SMPD4: variants seen among roughly 807,000 people sequenced by gnomAD.
SMPD4 encodes the protein sphingomyelin phosphodiesterase 4, also known as neutral sphingomyelinase 3.
SMPD4 carries 58 observed loss-of-function variants against 97.8 expected under a neutral mutation model. That is an observed-to-expected ratio of 0.59 (90% CI 0.48 to 0.74). SMPD4 has a LOEUF of 0.74. Among genes scored for constraint, SMPD4 ranks in the 30% least tolerant of loss-of-function variants. The pLI is 0.00. For missense variants in SMPD4, 853 were observed against 1,080.5 expected, an observed-to-expected ratio of 0.79 and a Z score of 2.95; for synonymous variants, 388 against 450.0, an observed-to-expected ratio of 0.86 and a Z score of 1.74.
chr2:130,158,771 G>A (rs1238142260), intron 11 of SMPD4, among the ~76,000 whole-genome samples: 4 of 152,232 alleles, frequency 2.6e-5, no homozygotes, highest in Non-Finnish European at 5.9e-5. Context: ...GGACATGCTC[G>A]CCTCTCCACA....
chr2:130,175,133 C>T (rs933676451), intron 2 of SMPD4, 133 bp from the exon 3 acceptor site: 1 of 625,918 alleles, frequency 1.6e-6, no homozygotes, highest in Non-Finnish European at 3.0e-6. Context: ...GCCTGGTTCC[C>T]CAGCCCCTCA....
intron 9 of SMPD4, 67 bp downstream of exon 9, chr2:130,167,391 G>A: frequency 6.2e-7 from 1 of 1,607,314 alleles, no homozygotes; most frequent in Non-Finnish European, 8.5e-7. Context: ...AAAGTGCTGG[G>A]GATTATAGGC....
chr2:130,166,801 A>C (rs1469248528), intron 9 of SMPD4, among the ~76,000 whole-genome samples: 23 of 152,284 alleles, frequency 1.5e-4, no homozygotes, highest in African/African-American at 5.5e-4. Flanking sequence ...GAAATCTGTC[A>C]CCTACTACTT....
At chr2:130,155,752 G>C (rs1419336179) in intron 14 of SMPD4, among the ~76,000 whole-genome samples, 1 of 152,252 alleles carries the variant, frequency 6.6e-6, no homozygotes, top group East Asian at 1.9e-4. Flanking sequence ...GGGATAGTTT[G>C]GGGGTGGCTA....
intron 8 of SMPD4, among the ~76,000 whole-genome samples, chr2:130,170,664 T>C (rs1239079940): frequency 3.3e-5 from 5 of 151,434 alleles, no homozygotes; most frequent in Non-Finnish European, 7.4e-5. Flanking sequence ...CTTGGGAGGT[T>C]GAAGTGGGAG....
Position 130,154,269 on chromosome 2 carries a change from C to T in SMPD4, c.1659+8G>A, listed in dbSNP as rs766682097. The T allele has an allele frequency of 6.3e-7, 1 of 1,586,590 alleles. No individual in the cohort carries two copies. Among genetic ancestry groups the T allele is most frequent in the Non-Finnish European group, 8.6e-7 (1 of 1,164,854 alleles). Reference sequence around the variant, plus strand: ...GGCCCTGAGGACAGGCACCGCCGAACCACTCACCAGGGTGCGGGCCTCGGG... The same window carrying T: ...GGCCCTGAGGACAGGCACCGCCGAATCACTCACCAGGGTGCGGGCCTCGGG... On this transcript the variant is annotated splice_region_variant and intron_variant, in intron 16 of 19. Coordinates refer to ENST00000680298, the MANE Select transcript of SMPD4 (RefSeq NM_017951.5).
At chr2:130,160,712 C>T (rs900510106) in intron 11 of SMPD4, among the ~76,000 whole-genome samples, 18 of 152,006 alleles carry the variant, frequency 1.2e-4, no homozygotes, top group African/African-American at 4.1e-4. Context: ...CTCTGGGTCA[C>T]AGCACCTCCA....
Position 130,153,126 on chromosome 2 carries a change from G to T in SMPD4, c.2071C>A (p.Pro691Thr), listed in dbSNP as rs1686396484. 3 of 1,613,860 alleles carry T rather than the reference G, an allele frequency of 1.9e-6. No individual in the cohort carries two copies. Among genetic ancestry groups the T allele is most frequent in the Non-Finnish European group, 2.5e-6 (3 of 1,180,006 alleles). ...RRFEIEYQGD[P>T]ELQPIRSYEI... ...TAGCTCCGGATGGGCTGCAGCTCCG[G>T]GTCCCCCTGGTACTCAATTTCAAAC... Residue 691 changes from proline to threonine, a missense_variant, in exon 19 of 20, where the codon CCG becomes ACG. By Grantham distance (38) the Pro-to-Thr change is conservative. Around this residue, in one of 3 missense-constraint regions of SMPD4, gnomAD observed 511 missense variants for 608.1 expected, o/e 0.84. Transcript: ENST00000680298.
At chr2:130,179,599 C>A (rs1689303176) in intron 1 of SMPD4, among the ~76,000 whole-genome samples, 1 of 151,716 alleles carries the variant, frequency 6.6e-6, no homozygotes, top group Admixed American at 6.6e-5. Flanking sequence ...GCTGGCCAGG[C>A]TGGTCTCAAA....
intron 8 of SMPD4, among the ~76,000 whole-genome samples, chr2:130,170,771 A>C (rs1461971429): frequency 6.6e-6 from 1 of 151,802 alleles, no homozygotes; most frequent in Non-Finnish European, 1.5e-5. Flanking sequence ...CTCAAAAAAA[A>C]AAAAATGCTG....
At chr2:130,156,843 G>A (rs1280780057) in intron 12 of SMPD4, 168 bp from the exon 13 acceptor site, 34 of 1,535,078 alleles carry the variant, frequency 2.2e-5, no homozygotes, top group Non-Finnish European at 2.6e-5. Flanking sequence ...GGTTCAGAGA[G>A]GTTAGGGAAC....
intron 1 of SMPD4, 155 bp downstream of exon 1, chr2:130,181,374 CG>C: frequency 6.9e-7 from 1 of 1,446,330 alleles, no homozygotes; most frequent in Non-Finnish European, 9.0e-7. Flanking sequence ...AAGACTCAAC[CG>C]GGGCCCTCCA....
chr2:130,171,135 C>CTT (rs58972698), intron 8 of SMPD4, among the ~76,000 whole-genome samples: 84 of 144,408 alleles, frequency 5.8e-4, no homozygotes, highest in African/African-American at 1.1e-3. Context: ...AATTTCTTTT[C>CTT]TTTTTTTTTT....
At chr2:130,158,517 G>A (rs1687061092) in intron 11 of SMPD4, among the ~76,000 whole-genome samples, 1 of 152,134 alleles carries the variant, frequency 6.6e-6, no homozygotes, top group South Asian at 2.1e-4. Flanking sequence ...GTTTCACCAT[G>A]TTGGCCTGAC....
At chr2:130,166,111 CAGG>C (rs1687901909) in intron 9 of SMPD4, among the ~76,000 whole-genome samples, 2 of 152,020 alleles carry the variant, frequency 1.3e-5, no homozygotes, top group South Asian at 4.2e-4. Context: ...CACTTGATGT[CAGG>C]AGTTCGAGAC....
In SMPD4 at chr2:130,152,559, G is replaced by A; in HGVS notation, c.2480C>T (p.Pro827Leu). The change falls in exon 20 of 20, where the codon CCC (proline) becomes CTC (leucine). Residue 827 changes from proline (P) to leucine (L), a missense_variant. Physicochemically the swap from Pro to Leu is moderately conservative, Grantham distance 98 (BLOSUM62 -3). Around this residue, in one of 3 missense-constraint regions of SMPD4, gnomAD observed 511 missense variants for 608.1 expected, o/e 0.84. Coordinates refer to ENST00000680298, the MANE Select transcript of SMPD4 (RefSeq NM_017951.5). ...LLTERGKLHQ[P>L] ...CTCTGAAGGCAGCTGACACCTTCAG[G>A]GCTGGTGCAGCTTCCCCCGCTCGGT... The A allele has an allele frequency of 6.5e-7, 1 of 1,546,164 alleles. No homozygotes were observed. The highest frequency in any genetic ancestry group is 1.2e-5 in the South Asian group (1 of 83,916).
chr2:130,155,307 T>C, intron 14 of SMPD4, 48 bp from the exon 15 acceptor site: 1 of 1,607,956 alleles, frequency 6.2e-7, no homozygotes, highest in South Asian at 1.1e-5. Context: ...ACTGGAAGCA[T>C]GCCCCTAATG....
chr2:130,175,568 G>C (rs1688911426), intron 2 of SMPD4, among the ~76,000 whole-genome samples: 2 of 152,136 alleles, frequency 1.3e-5, no homozygotes, highest in African/African-American at 2.4e-5. Flanking sequence ...AATTATAGAT[G>C]GCTTCAGCCA....
rs144880235 is a variant in SMPD4 at position 130,168,133 on chromosome 2, G to A, written c.660-543C>T. Among the ~76,000 whole-genome samples, 253 of 152,324 alleles carry A rather than the reference G, an allele frequency of 1.7e-3. 1 individual carries two copies. In the Middle Eastern group the frequency reaches 0.024, roughly 14 times the overall value. ...AGGAGGGAGAATGGCCTGGGCCCAC[G>A]AGTTGAGGCTATAGTGACAAATGAT... On this transcript the variant is annotated intron_variant, in intron 8 of 19. Transcript: ENST00000680298.
Sources: allele counts gnomAD v4.1 joint callset (sites outside exome capture counted in the v4.1 genomes callset), GRCh38; gene constraint gnomAD v4.1.1; regional missense constraint gnomAD v4.1.1; transcripts MANE v1.5; gene names NCBI Gene and HGNC (gene_info 2026-07-23, HGNC 2026-07-21).